The following NXPE1 variants were observed in gnomAD, a reference collection of about 807,000 sequenced individuals.
NXPE1 encodes NXPE family member 1.
NXPE1 carries 31 observed loss-of-function variants against 33.3 expected under a neutral mutation model. The ratio of observed to expected loss-of-function variants is 0.93; its 90% CI spans 0.70 to 1.26. NXPE1 has a LOEUF of 1.26. Among genes scored for constraint, NXPE1 ranks in the 50% most tolerant of loss-of-function variants. NXPE1 has a pLI of 0.00. For synonymous variants in NXPE1, 229 were observed against 231.4 expected, an observed-to-expected ratio of 0.99 and a Z score of 0.09; for missense variants, 661 against 655.6, an observed-to-expected ratio of 1.01 and a Z score of -0.09.
intron 5 of NXPE1, among the ~76,000 whole-genome samples, chr11:114,548,011 A>G (rs1281622621): frequency 6.6e-6 from 1 of 152,182 alleles, no homozygotes; most frequent in Non-Finnish European, 1.5e-5. Context: ...CAGAGATTGA[A>G]CAATTAAATA....
At chr11:114,551,674 A>G (rs986072363) in intron 3 of NXPE1, among the ~76,000 whole-genome samples, 1 of 152,146 alleles carries the variant, frequency 6.6e-6, no homozygotes, top group African/African-American at 2.4e-5. Context: ...GGGAGGTGGG[A>G]TGGGTAGCTT....
intron 3 of NXPE1, among the ~76,000 whole-genome samples, 166 bp from the exon 4 acceptor site, chr11:114,551,607 T>C (rs1389504156): frequency 1.3e-5 from 2 of 152,206 alleles, no homozygotes; most frequent in Non-Finnish European, 2.9e-5. Flanking sequence ...TATGCTCGTA[T>C]TACAAAACAT....
At chr11:114,519,207 T>A (rs1461571745), downstream of NXPE1, among the ~76,000 whole-genome samples, 1 of 143,884 alleles carries the variant, frequency 7.0e-6, no homozygotes, top group Non-Finnish European at 1.5e-5. Context: ...AAAGATACTT[T>A]ACAGAAAATG....
At chr11:114,520,581 T>A (rs546643876), downstream of NXPE1, among the ~76,000 whole-genome samples, 2 of 152,362 alleles carry the variant, frequency 1.3e-5, no homozygotes, top group Admixed American at 1.3e-4. Context: ...AGCATGAGAA[T>A]GCAGATATCT....
At chr11:114,523,180 T>C in intron 7 of NXPE1, 89 bp from the exon 8 acceptor site, 3 of 915,620 alleles carry the variant, frequency 3.3e-6, no homozygotes, top group Non-Finnish European at 5.2e-6. Context: ...TTGCTCTCTT[T>C]CCCCCTTCCT....
chr11:114,540,553 A>C (rs1948053749), intron 5 of NXPE1, among the ~76,000 whole-genome samples: 1 of 152,166 alleles, frequency 6.6e-6, no homozygotes, highest in Non-Finnish European at 1.5e-5. Flanking sequence ...GAGGAAGGAG[A>C]GTATGGATGG....
At chr11:114,546,966 A>C (rs1948303811) in intron 5 of NXPE1, among the ~76,000 whole-genome samples, 1 of 152,222 alleles carries the variant, frequency 6.6e-6, no homozygotes, top group Non-Finnish European at 1.5e-5. Context: ...ATGTAAATGA[A>C]TGATTGAATA....
At chr11:114,527,982 G>A in intron 6 of NXPE1, 81 bp from the exon 7 acceptor site, 1 of 1,049,718 alleles carries the variant, frequency 9.5e-7, no homozygotes, top group Admixed American at 2.4e-5. Context: ...GTGAGTGAAG[G>A]AAAATTTTTA....
intron 5 of NXPE1, among the ~76,000 whole-genome samples, chr11:114,533,049 G>A (rs1222246042): frequency 6.6e-6 from 1 of 152,076 alleles, no homozygotes; most frequent in Non-Finnish European, 1.5e-5. Context: ...ACAATTAACT[G>A]AATTAATGTT....
intron 5 of NXPE1, among the ~76,000 whole-genome samples, chr11:114,537,097 T>G (rs1442628137): frequency 1.3e-5 from 2 of 152,182 alleles, no homozygotes; most frequent in East Asian, 3.8e-4. Flanking sequence ...CAAATGGTCT[T>G]CAACCCTGGG....
chr11:114,539,423 T>G (rs1283448897), intron 5 of NXPE1, among the ~76,000 whole-genome samples: 1 of 136,226 alleles, frequency 7.3e-6, no homozygotes, highest in Non-Finnish European at 1.5e-5. Context: ...CCCTAAAACT[T>G]AAAGTATAAT....
chr11:114,525,811 A>C (rs1947351496), intron 7 of NXPE1, among the ~76,000 whole-genome samples: 1 of 152,208 alleles, frequency 6.6e-6, no homozygotes, highest in South Asian at 2.1e-4. Context: ...TTTCAGGTAC[A>C]TGTATAAGAG....
intron 6 of NXPE1, chr11:114,529,958 G>A (rs1453934637): frequency 2.0e-6 from 1 of 509,536 alleles, no homozygotes; most frequent in African/African-American, 1.9e-5. Context: ...ACACATAGAA[G>A]AACGGTTATA....
At chr11:114,538,133 C>T (rs1947918666) in intron 5 of NXPE1, among the ~76,000 whole-genome samples, 2 of 152,122 alleles carry the variant, frequency 1.3e-5, no homozygotes, top group South Asian at 4.2e-4. Context: ...CACATATCTA[C>T]AACTATCTGA....
chr11:114,536,169 C>T (rs962760784), intron 5 of NXPE1, among the ~76,000 whole-genome samples: 8 of 152,316 alleles, frequency 5.3e-5, no homozygotes, highest in Admixed American at 5.2e-4. Flanking sequence ...GAACAACCTG[C>T]TTCTGAATGA....
At chr11:114,519,216 T>C (rs910918942), downstream of NXPE1, among the ~76,000 whole-genome samples, 3 of 138,382 alleles carry the variant, frequency 2.2e-5, no homozygotes, top group Non-Finnish European at 4.5e-5. Flanking sequence ...TTACAGAAAA[T>C]GCTTTCCCCC....
chr11:114,543,009 C>T lies in NXPE1; in HGVS notation c.99+8094G>A, dbSNP rs532401901. Among the ~76,000 whole-genome samples the T allele has an allele frequency of 2.2e-3, 333 of 152,210 alleles. 6 individuals are homozygous for T. Among genetic ancestry groups the T allele is most frequent in the South Asian group, 6.2e-4 (3 of 4,818 alleles). On this transcript the variant is annotated intron_variant, in intron 5 of 8. Coordinates refer to ENST00000534921, the Ensembl canonical transcript of NXPE1. ...GTGGCTTATGCCTATAATCCCAGCACTTTGGGAGGTTGAGGCAGGAGGATC... is the reference window on the plus strand; with the variant it reads ...GTGGCTTATGCCTATAATCCCAGCATTTTGGGAGGTTGAGGCAGGAGGATC...
chr11:114,522,894 G>A (rs1250270177), exon 8 of NXPE1: 1 of 1,611,586 alleles, frequency 6.2e-7, no homozygotes, highest in Admixed American at 1.7e-5. Flanking sequence ...ACAACTTTGG[G>A]GAAGTAGTAG....
rs1440193624 is a variant in NXPE1, at chr11:114,551,961, C to G, written c.-70+13G>C. ...GGAAACAAAATGTAAAGCCTTGCCT[C>G]TTTGTCCCTTACCAAATCCTCAGTG... On this transcript the variant is annotated intron_variant, in intron 3 of 8. Coordinates refer to ENST00000534921, the Ensembl canonical transcript of NXPE1. The G allele has an allele frequency of 6.6e-6, 1 of 152,206 alleles. No individual in the cohort carries two copies. Among genetic ancestry groups the G allele is most frequent in the Non-Finnish European group, 1.5e-5 (1 of 68,034 alleles). The allele number at this position is 152,206 out of a possible 1,614,324, so 9.4% of individuals were successfully genotyped here.
Sources: allele counts gnomAD v4.1 joint callset (sites outside exome capture counted in the v4.1 genomes callset), GRCh38; gene constraint gnomAD v4.1.1; transcripts MANE v1.5; gene names NCBI Gene and HGNC (gene_info 2026-07-23, HGNC 2026-07-21).